Variants in PHACTR1 observed in about 807,000 individuals in gnomAD.
PHACTR1 encodes the protein phosphatase and actin regulator 1.
PHACTR1 carries 16 observed loss-of-function variants against 69.2 expected under a neutral mutation model. The ratio of observed to expected loss-of-function variants is 0.23; its 90% CI spans 0.16 to 0.35. The LOEUF is 0.35. PHACTR1 is among the 10% of genes least tolerant of loss of function. The probability of loss-of-function intolerance (pLI) is 1.00; values close to 1 mark genes in which losing one functional copy is unlikely to be tolerated. For synonymous variants in PHACTR1, 312 were observed against 284.5 expected, an observed-to-expected ratio of 1.10 and a Z score of -0.97; for missense variants, 510 against 734.7, an observed-to-expected ratio of 0.69 and a Z score of 3.54.
chr6:12,839,837 A>G (rs1778518217), intron 4 of PHACTR1, among the ~76,000 whole-genome samples: 1 of 152,220 alleles, frequency 6.6e-6, no homozygotes, highest in Admixed American at 6.5e-5. Context: ...GGCTGCGCAG[A>G]AGGTGAAAAC....
chr6:13,263,372 T>A (rs190870120), intron 10 of PHACTR1, among the ~76,000 whole-genome samples: 64 of 150,634 alleles, frequency 4.2e-4, no homozygotes, highest in African/African-American at 1.4e-3. Context: ...GATCCATTCT[T>A]AAATTTTTAA....
At chr6:13,084,289 C>T (rs572044569) in intron 5 of PHACTR1, among the ~76,000 whole-genome samples, 50 of 148,544 alleles carry the variant, frequency 3.4e-4, no homozygotes, top group African/African-American at 1.1e-3. Context: ...AAACCAACAC[C>T]GCATGTTCTC....
chr6:13,096,565 G>A (rs1360171227), intron 5 of PHACTR1, among the ~76,000 whole-genome samples: 3 of 152,056 alleles, frequency 2.0e-5, no homozygotes, highest in Non-Finnish European at 4.4e-5. Context: ...GGGAGGCTGT[G>A]GACACTTGAA....
intron 5 of PHACTR1, among the ~76,000 whole-genome samples, chr6:13,132,588 G>C (rs1318617833): frequency 6.6e-6 from 1 of 152,072 alleles, no homozygotes; most frequent in Non-Finnish European, 1.5e-5. Context: ...CTGAAATAAA[G>C]TGAGTATTTC....
chr6:13,053,694 CTT>C (rs1806336658), intron 5 of PHACTR1, among the ~76,000 whole-genome samples, 165 bp downstream of exon 5: 2 of 152,148 alleles, frequency 1.3e-5, no homozygotes, highest in South Asian at 4.1e-4. Context: ...TCAAGAATGA[CTT>C]TTATATCCTA....
chr6:12,908,728 A>G (rs1786033264), intron 4 of PHACTR1, among the ~76,000 whole-genome samples: 1 of 152,178 alleles, frequency 6.6e-6, no homozygotes, highest in Non-Finnish European at 1.5e-5. Context: ...GGTTAAGAAC[A>G]GTGTGCTCAT....
chr6:13,134,633 T>C (rs1821237789), intron 5 of PHACTR1, among the ~76,000 whole-genome samples: 1 of 151,868 alleles, frequency 6.6e-6, no homozygotes, highest in Non-Finnish European at 1.5e-5. Flanking sequence ...TAATCTCAAG[T>C]ACCCAGGGGC....
intron 4 of PHACTR1, among the ~76,000 whole-genome samples, chr6:12,771,205 G>A (rs1047204596): frequency 6.6e-6 from 1 of 152,154 alleles, no homozygotes; most frequent in African/African-American, 2.4e-5. Context: ...AGCAGTAATA[G>A]GAATGGAAAA....
intron 7 of PHACTR1, chr6:13,185,051 A>C (rs760971611): frequency 1.4e-5 from 18 of 1,290,508 alleles, no homozygotes; most frequent in Non-Finnish European, 1.8e-5. Context: ...CCTTCCCTTC[A>C]AGGGATTTTC....
At chr6:12,759,339 G>T (rs907565923) in intron 4 of PHACTR1, among the ~76,000 whole-genome samples, 2 of 151,202 alleles carry the variant, frequency 1.3e-5, no homozygotes, top group African/African-American at 4.9e-5. Flanking sequence ...ACAAAAATGC[G>T]AATTATGACC....
chr6:12,722,602 T>C (rs1384940537), intron 3 of PHACTR1, among the ~76,000 whole-genome samples: 3 of 152,206 alleles, frequency 2.0e-5, no homozygotes, highest in African/African-American at 7.2e-5. Flanking sequence ...GAAAAATTCT[T>C]TTGGAATTCC....
At chr6:13,180,871 C>T (rs1483174108) in intron 6 of PHACTR1, among the ~76,000 whole-genome samples, 2 of 152,140 alleles carry the variant, frequency 1.3e-5, no homozygotes, top group Non-Finnish European at 2.9e-5. Flanking sequence ...GTGTGATTTC[C>T]ATTGCATGGG....
chr6:12,935,408 T>TAAA (rs1472120710), intron 4 of PHACTR1, among the ~76,000 whole-genome samples: 1 of 152,024 alleles, frequency 6.6e-6, no homozygotes. Flanking sequence ...CACACCCAGC[T>TAAA]AATTTTTGTA....
rs190602155 is a variant in PHACTR1, at chr6:13,190,577, T to G, written c.664+7891T>G. ...GCACTTGGTTATAAAGAGGAGGATC[T>G]GAGTTCAGTTGGGTCGGGTTTCAAA... On this transcript the variant is annotated intron_variant, in intron 7 of 14. Coordinates refer to ENST00000332995, the MANE Select transcript of PHACTR1 (RefSeq NM_030948.6). 3.0e-3 allele frequency among the ~76,000 whole-genome samples: 453 copies of G among 152,162 alleles called. 3 individuals are homozygous for G. Among genetic ancestry groups the G allele is most frequent in the African/African-American group, 0.01 (435 of 41,526 alleles).
intron 4 of PHACTR1, among the ~76,000 whole-genome samples, chr6:12,888,005 A>T (rs1025502551): frequency 1.3e-5 from 2 of 150,016 alleles, no homozygotes; most frequent in Non-Finnish European, 3.0e-5. Flanking sequence ...CCCAGGAAGC[A>T]GAAGTTGCAG....
intron 6 of PHACTR1, among the ~76,000 whole-genome samples, chr6:13,181,774 A>G (rs1762205258): frequency 6.6e-6 from 1 of 152,198 alleles, no homozygotes; most frequent in African/African-American, 2.4e-5. Flanking sequence ...GGAGGCAAAC[A>G]GAAGACAGGA....
At chr6:12,773,245 A>G (rs1429440716) in intron 4 of PHACTR1, among the ~76,000 whole-genome samples, 1 of 152,178 alleles carries the variant, frequency 6.6e-6, no homozygotes, top group East Asian at 1.9e-4. Flanking sequence ...TTTCAGCTCA[A>G]TTTTATTTGA....
intron 4 of PHACTR1, among the ~76,000 whole-genome samples, chr6:12,913,562 C>A (rs1786643960): frequency 6.6e-6 from 1 of 152,204 alleles, no homozygotes; most frequent in South Asian, 2.1e-4. Flanking sequence ...CGAGAGAACT[C>A]CTTAGAGGTG....
At chr6:13,106,776 TC>T (rs2127884672) in intron 5 of PHACTR1, among the ~76,000 whole-genome samples, 1 of 152,252 alleles carries the variant, frequency 6.6e-6, no homozygotes, top group South Asian at 2.1e-4. Flanking sequence ...CAATTTTTTT[TC>T]ATCTTTTGGG....
Sources: allele counts gnomAD v4.1 joint callset (sites outside exome capture counted in the v4.1 genomes callset), GRCh38; gene constraint gnomAD v4.1.1; transcripts MANE v1.5; gene names NCBI Gene and HGNC (gene_info 2026-07-23, HGNC 2026-07-21).